MAP6: variants seen among roughly 807,000 people sequenced by gnomAD.
MAP6 encodes the protein microtubule associated protein 6, also known as microtubule-associated protein 6.
Under a neutral mutation model 42.4 loss-of-function variants are expected in MAP6, and 26 were observed. The observed-to-expected ratio is 0.61, with a 90% CI of 0.45 to 0.85. The LOEUF (loss-of-function observed/expected upper bound fraction) is 0.85. Among genes scored for constraint, MAP6 ranks in the 40% least tolerant of loss-of-function variants. MAP6 has a pLI of 0.00. For missense variants in MAP6, 966 were observed against 1,099.0 expected, an observed-to-expected ratio of 0.88 and a Z score of 1.71; for synonymous variants, 418 against 443.8, an observed-to-expected ratio of 0.94 and a Z score of 0.73.
chr11:75,655,742 C>G (rs1244991248), intron 1 of MAP6, among the ~76,000 whole-genome samples: 1 of 152,178 alleles, frequency 6.6e-6, no homozygotes, highest in African/African-American at 2.4e-5. Context: ...AGCAGCCCTC[C>G]CAAGAATGGC....
intron 1 of MAP6, among the ~76,000 whole-genome samples, chr11:75,619,024 G>A (rs896715103): frequency 2.6e-5 from 4 of 152,198 alleles, no homozygotes; most frequent in Admixed American, 6.5e-5. Context: ...CATGGGGAGG[G>A]GAGGCTGCTC....
chr11:75,623,965 G>A (rs979043274), intron 1 of MAP6, among the ~76,000 whole-genome samples: 3 of 152,194 alleles, frequency 2.0e-5, no homozygotes, highest in African/African-American at 4.8e-5. Flanking sequence ...TCTCACCTGC[G>A]GTGGCCAGAG....
At chr11:75,663,500 G>A (rs1943891570) in intron 1 of MAP6, among the ~76,000 whole-genome samples, 1 of 152,128 alleles carries the variant, frequency 6.6e-6, no homozygotes. Context: ...AAATCTATAT[G>A]GCACCTAGGC....
chr11:75,605,045 CAG>C, intron 3 of MAP6: 10 of 985,478 alleles, frequency 1.0e-5, no homozygotes, highest in Non-Finnish European at 1.2e-5. Flanking sequence ...CGAGGAGAAT[CAG>C]AGGAAAACAG....
intron 1 of MAP6, among the ~76,000 whole-genome samples, chr11:75,613,587 G>A (rs1403790580): frequency 6.6e-6 from 1 of 152,012 alleles, no homozygotes; most frequent in Admixed American, 6.5e-5. Context: ...ATCACCAAAG[G>A]CCCGCTGTCC....
intron 1 of MAP6, among the ~76,000 whole-genome samples, chr11:75,638,056 G>C (rs532804395): frequency 9.2e-5 from 14 of 152,320 alleles, no homozygotes; most frequent in Admixed American, 6.5e-5. Flanking sequence ...TACATGCTAG[G>C]ATAGTATGTA....
chr11:75,657,347 G>A (rs757284863), intron 1 of MAP6, among the ~76,000 whole-genome samples: 9 of 152,120 alleles, frequency 5.9e-5, no homozygotes, highest in Non-Finnish European at 1.3e-4. Context: ...TCCTGACCTC[G>A]TGATCCGCCC....
At chr11:75,601,155 A>C (rs2135580583) in intron 3 of MAP6, among the ~76,000 whole-genome samples, 1 of 152,184 alleles carries the variant, frequency 6.6e-6, no homozygotes, top group Non-Finnish European at 1.5e-5. Context: ...TGCCTTCTCC[A>C]TTGCCCAACG....
At chr11:75,647,677 G>A (rs916123085) in intron 1 of MAP6, among the ~76,000 whole-genome samples, 1 of 152,168 alleles carries the variant, frequency 6.6e-6, no homozygotes, top group Non-Finnish European at 1.5e-5. Context: ...TGAGGAAAGG[G>A]AATGACATCT....
chr11:75,668,732 T>A lies in MAP6; in HGVS notation c.-363A>T, dbSNP rs1046329605. The A allele has an allele frequency of 2.2e-5, 4 of 178,164 alleles. No individual in the cohort carries two copies. The highest frequency in any genetic ancestry group is 3.5e-5 in the Non-Finnish European group (3 of 85,262). 11.0% of individuals were successfully genotyped at this position (178,164 alleles called of 1,614,324 possible). ...TCGAGCGAGGCGACGTGAGGAGAGG[T>A]GGCTACAGGCTTAAGCCATGGCGCA... On this transcript the variant is annotated 5_prime_UTR_variant, in exon 1 of 4. Transcript: ENST00000304771.
chr11:75,601,530 C>T (rs1942663182), intron 3 of MAP6, among the ~76,000 whole-genome samples: 1 of 152,074 alleles, frequency 6.6e-6, no homozygotes, highest in Non-Finnish European at 1.5e-5. Flanking sequence ...CCCTGCCTCC[C>T]CCAAAACTCA....
intron 1 of MAP6, among the ~76,000 whole-genome samples, chr11:75,646,247 A>G (rs1943550981): frequency 6.6e-6 from 1 of 152,148 alleles, no homozygotes; most frequent in Admixed American, 6.5e-5. Context: ...TCAAAGTGCT[A>G]AGAAAACATT....
At chr11:75,640,831 A>C (rs1163466485) in intron 1 of MAP6, among the ~76,000 whole-genome samples, 1 of 152,180 alleles carries the variant, frequency 6.6e-6, no homozygotes, top group Non-Finnish European at 1.5e-5. Flanking sequence ...AAGTCAGGAA[A>C]CAACAGATGC....
chr11:75,667,508 G>A lies in MAP6; in HGVS notation c.862C>T (p.Gln288Ter). Residue 288 changes from glutamine (Q) to a stop codon, truncating the protein, a stop_gained, in exon 1 of 4, where the codon CAA becomes TAA. Transcript: ENST00000304771. LOFTEE classifies it high-confidence loss of function. The surrounding 1 kb of genome is among the most constrained non-coding windows in gnomAD (Gnocchi z 5.6). ...GRAAADALNRQIREEVASAVS... is the reference protein window; with the variant it reads ...GRAAADALNR ...GCACTCGCCACCTCCTCGCGGATTT[G>A]CCGGTTGAGGGCGTCCGCCGCGGCG... 6.6e-7 allele frequency: 1 copy of A among 1,509,984 alleles called. No individual in the cohort carries two copies. Among genetic ancestry groups the A allele is most frequent in the South Asian group, 1.2e-5 (1 of 81,920 alleles). The allele number at this position is 1,509,984 out of a possible 1,614,324, so 93.5% of individuals were successfully genotyped here.
chr11:75,666,103 T>C (rs567061007), intron 1 of MAP6, among the ~76,000 whole-genome samples: 6 of 150,932 alleles, frequency 4.0e-5, no homozygotes, highest in Admixed American at 1.3e-4. Context: ...CCACACCCTC[T>C]TGCAGGAAGG....
intron 3 of MAP6, among the ~76,000 whole-genome samples, chr11:75,601,944 G>A (rs907728720): frequency 1.3e-5 from 2 of 151,568 alleles, no homozygotes; most frequent in Admixed American, 1.3e-4. Flanking sequence ...CATGGAACCA[G>A]CTAGAATGGC....
Position 75,667,690 on chromosome 11 carries a change from G to A in MAP6, c.680C>T (p.Ala227Val). Residue 227 changes from alanine (A) to valine (V), a missense_variant, in exon 1 of 4, where the codon GCC becomes GTC. Ala to Val is a moderately conservative substitution (Grantham distance 64, BLOSUM62 0). This residue lies in a region of MAP6 where 943 missense variants were observed against 1,049.9 expected (regional missense o/e 0.90). Transcript: ENST00000304771. The surrounding 1 kb of genome is among the most constrained non-coding windows in gnomAD (Gnocchi z 5.6). The stretch of plus-strand genomic sequence containing the variant: ...CTCGTCCGCCCCGGACGCCTTTCCG[G>A]CCGCCAGGCCACCCGCTCCGCCGGG... ...AAPGGAGGLA[A>V]GKASGADERD... The A allele has an allele frequency of 7.8e-7, 1 of 1,276,874 alleles. No homozygotes were observed. The highest frequency in any genetic ancestry group is 9.8e-7 in the Non-Finnish European group (1 of 1,015,686). 79.1% of individuals were successfully genotyped at this position (1,276,874 alleles called of 1,614,324 possible). A position where few individuals can be genotyped will look rare whatever the true frequency, so the allele number is the denominator to read the frequency against.
At chr11:75,636,195 T>C (rs1455580864) in intron 1 of MAP6, 1 of 152,208 alleles carries the variant, frequency 6.6e-6, no homozygotes, top group Non-Finnish European at 1.5e-5. Context: ...CCCAACAACC[T>C]TGGGATATAA....
At chr11:75,663,028 C>T (rs1943882541) in intron 1 of MAP6, among the ~76,000 whole-genome samples, 2 of 149,650 alleles carry the variant, frequency 1.3e-5, no homozygotes, top group Non-Finnish European at 3.0e-5. Flanking sequence ...GTGGCATGAT[C>T]TTGGCTCACT....
Sources: gnomAD v4.1 joint callset for allele counts (sites outside exome capture counted in the v4.1 genomes callset) on GRCh38, gnomAD v4.1.1 for gene constraint, gnomAD v4.1.1 regional missense constraint, Gnocchi (gnomAD v3.1) non-coding constraint, MANE v1.5 for transcripts, NCBI Gene and HGNC (gene_info 2026-07-23, HGNC 2026-07-21) for gene names.